The following DLG5 variants were observed in gnomAD, a reference collection of about 807,000 sequenced individuals.
DLG5 encodes the protein disks large homolog 5.
Under a neutral mutation model 189.8 loss-of-function variants are expected in DLG5, and 48 were observed. The ratio of observed to expected loss-of-function variants is 0.25; its 90% CI spans 0.20 to 0.32. The LOEUF (loss-of-function observed/expected upper bound fraction) is 0.32. Among genes scored for constraint, DLG5 ranks in the 10% least tolerant of loss-of-function variants. The pLI is 1.00. For synonymous variants in DLG5, 1,016 were observed against 1,054.1 expected (o/e 0.96, Z 0.70); for missense variants, 2,160 against 2,544.7 (o/e 0.85, Z 3.25).
chr10:77,794,212 G>A, intron 30 of DLG5, 95 bp from the exon 31 acceptor site: 1 of 1,087,460 alleles, frequency 9.2e-7, no homozygotes, highest in South Asian at 1.3e-5. Context: ...CATCAAGGCA[G>A]GGGTAGGCTG....
At chr10:77,848,031 A>C (rs965509032) in intron 5 of DLG5, among the ~76,000 whole-genome samples, 4 of 152,190 alleles carry the variant, frequency 2.6e-5, no homozygotes, top group African/African-American at 9.7e-5. Flanking sequence ...CCACTCAGGC[A>C]GGCAGCAGTC....
chr10:77,922,214 G>A (rs1043844683), intron 1 of DLG5, among the ~76,000 whole-genome samples: 1 of 152,122 alleles, frequency 6.6e-6, no homozygotes, highest in Non-Finnish European at 1.5e-5. Flanking sequence ...ACAGAGGCAG[G>A]CAGTGCAGCA....
chr10:77,821,952 T>C lies in DLG5; in HGVS notation c.2532A>G (p.Thr844=). Residue 844 remains threonine, a synonymous_variant, in exon 15 of 32, where the codon ACA becomes ACG. Transcript: ENST00000372391. ...NLIQHNNSTQ[T]DIFYTDRLED... ...CCAGCCTGTCCGTGTAGAAGATGTC[T>C]GTCTGCGTGGAGTTATTGTGCTGTA... is the stretch of plus-strand genomic sequence containing the variant. 1 of 1,614,248 alleles carries C rather than the reference T, an allele frequency of 6.2e-7. No individual in the cohort carries two copies.
Position 77,794,086 on chromosome 10 carries a change from T to C in DLG5, c.5578A>G (p.Lys1860Glu), listed in dbSNP as rs1181807070. Residue 1860 changes from lysine to glutamate, a missense_variant, in exon 31 of 32, where the codon AAG (lysine) becomes GAG (glutamate). Coordinates refer to ENST00000372391, the MANE Select transcript of DLG5 (RefSeq NM_004747.4). ...EQRDPIYLRD[K>E]VTQRHSKEQF... is the part of the protein sequence containing the mutation. Reference sequence around the variant, plus strand: ...TCTTTGGAATGCCTCTGAGTCACCTTGTCCCTCAGGTAGATGGGGTCTCTC... The same window carrying C: ...TCTTTGGAATGCCTCTGAGTCACCTCGTCCCTCAGGTAGATGGGGTCTCTC... The C allele has an allele frequency of 1.2e-6, 2 of 1,614,166 alleles. No individual in the cohort carries two copies. The highest frequency in any genetic ancestry group is 1.7e-6 in the Non-Finnish European group (2 of 1,180,016).
Position 77,867,019 on chromosome 10 carries a change from C to A in DLG5, c.373+2110G>T, listed in dbSNP as rs183655960. 1,001 of 457,218 alleles carry A rather than the reference C, an allele frequency of 2.2e-3. 2 individuals are homozygous for A. The highest frequency in any genetic ancestry group is 3.8e-3 in the Non-Finnish European group (867 of 227,086). The allele number at this position is 457,218 out of a possible 1,614,324, so 28.3% of individuals were successfully genotyped here. On this transcript the variant is annotated intron_variant, in intron 2 of 31. Transcript: ENST00000372391. ...ACCCATCCTGCTCCAAGAAACACAT[C>A]AGAGCACTGCACTCTGCCTGCCTGT...
At chr10:77,830,448 T>G (rs1454626178) in intron 10 of DLG5, 104 bp from the exon 11 acceptor site, 2 of 1,527,042 alleles carry the variant, frequency 1.3e-6, no homozygotes, top group Non-Finnish European at 1.8e-6. Context: ...GACTGTCCCT[T>G]CACCTCATCT....
At chr10:77,872,118 A>C (rs1357968104) in intron 1 of DLG5, among the ~76,000 whole-genome samples, 1 of 151,774 alleles carries the variant, frequency 6.6e-6, no homozygotes, top group Non-Finnish European at 1.5e-5. Flanking sequence ...AAATTTCCCC[A>C]CTCTCACCTC....
chr10:77,858,089 G>T (rs1000271078), intron 2 of DLG5, among the ~76,000 whole-genome samples: 2 of 152,166 alleles, frequency 1.3e-5, no homozygotes, highest in African/African-American at 4.8e-5. Flanking sequence ...GGCCAGGCAT[G>T]ACAAGCCAGA....
At chr10:77,863,452 G>C (rs1844551016) in intron 2 of DLG5, among the ~76,000 whole-genome samples, 1 of 152,122 alleles carries the variant, frequency 6.6e-6, no homozygotes, top group Non-Finnish European at 1.5e-5. Flanking sequence ...ATCATCCTAA[G>C]AGTGATGTTG....
chr10:77,814,535 G>A (rs1331127916), intron 20 of DLG5, among the ~76,000 whole-genome samples: 3 of 119,754 alleles, frequency 2.5e-5, no homozygotes, highest in African/African-American at 8.7e-5. Context: ...TGAATCTCTT[G>A]TTGAAGAAAT....
chr10:77,923,781 G>A (rs983228876), intron 1 of DLG5, among the ~76,000 whole-genome samples: 9 of 152,150 alleles, frequency 5.9e-5, no homozygotes, highest in Non-Finnish European at 7.4e-5. Context: ...CCCCCAACAC[G>A]CCACTGTTTG....
intron 1 of DLG5, among the ~76,000 whole-genome samples, chr10:77,900,140 G>A (rs965682249): frequency 2.0e-5 from 3 of 152,120 alleles, no homozygotes; most frequent in Non-Finnish European, 4.4e-5. Flanking sequence ...AGGTGAGGAA[G>A]CTGAGGCTCC....
intron 2 of DLG5, among the ~76,000 whole-genome samples, chr10:77,864,204 G>T (rs1485355502): frequency 5.3e-5 from 8 of 152,216 alleles, no homozygotes; most frequent in African/African-American, 1.9e-4. Context: ...TCACTGTCAT[G>T]CTCCCACTGA....
At chr10:77,812,470 G>A (rs1400460939) in intron 20 of DLG5, 93 bp from the exon 21 acceptor site, 39 of 1,429,856 alleles carry the variant, frequency 2.7e-5, no homozygotes, top group Non-Finnish European at 2.9e-5. Flanking sequence ...ATCTGACAGT[G>A]CAGAAAGGGC....
intron 1 of DLG5, among the ~76,000 whole-genome samples, chr10:77,888,033 CTTAGT>C (rs1449970607): frequency 6.6e-6 from 1 of 152,200 alleles, no homozygotes; most frequent in East Asian, 1.9e-4. Context: ...CTCCCAACTT[CTTAGT>C]TTAAATGGAA....
chr10:77,922,001 G>C (rs1564599064), intron 1 of DLG5, among the ~76,000 whole-genome samples: 4 of 152,228 alleles, frequency 2.6e-5, no homozygotes, highest in Admixed American at 6.5e-5. Context: ...TCTGGGGAAA[G>C]TGTGTAGCAT....
chr10:77,840,679 A>G (rs1843373678), intron 7 of DLG5, among the ~76,000 whole-genome samples: 1 of 152,170 alleles, frequency 6.6e-6, no homozygotes, highest in Admixed American at 6.5e-5. Context: ...AGATTGCGCC[A>G]CTGCACTTCA....
intron 1 of DLG5, among the ~76,000 whole-genome samples, chr10:77,917,422 G>A (rs1352545012): frequency 6.6e-6 from 1 of 151,818 alleles, no homozygotes; most frequent in Non-Finnish European, 1.5e-5. Context: ...AGGCTGAGGT[G>A]GGAGGATCAA....
intron 1 of DLG5, among the ~76,000 whole-genome samples, chr10:77,902,882 T>A (rs915932829): frequency 1.5e-4 from 23 of 149,098 alleles, no homozygotes; most frequent in Non-Finnish European, 1.9e-4. Context: ...AAAAAATAAA[T>A]AAATAAATAA....
Sources: gnomAD v4.1 joint callset for allele counts (sites outside exome capture counted in the v4.1 genomes callset) on GRCh38, gnomAD v4.1.1 for gene constraint, MANE v1.5 for transcripts, NCBI Gene and HGNC (gene_info 2026-07-23, HGNC 2026-07-21) for gene names.